Variants in MGAT4A observed in about 807,000 individuals in gnomAD.
MGAT4A encodes alpha-1,3-mannosyl-glycoprotein 4-beta-N-acetylglucosaminyltransferase A.
A neutral mutation model predicts 74.1 loss-of-function variants in MGAT4A; 33 were observed. The ratio of observed to expected loss-of-function variants is 0.45; its 90% confidence interval spans 0.34 to 0.60. The LOEUF is 0.60. MGAT4A is among the 20% of genes least tolerant of loss of function. MGAT4A has a pLI of 0.02. For synonymous variants in MGAT4A, 198 were observed against 210.4 expected (o/e 0.94, Z 0.51); for missense variants, 479 against 628.3 (o/e 0.76, Z 2.54).
chr2:98,670,048 A>C (rs576725281), intron 4 of MGAT4A, among the ~76,000 whole-genome samples: 3 of 152,334 alleles, frequency 2.0e-5, no homozygotes, highest in African/African-American at 7.2e-5. Flanking sequence ...GTTAGTTACC[A>C]CAACATAACC....
At chr2:98,693,355 C>A (rs1345685252) in intron 2 of MGAT4A, among the ~76,000 whole-genome samples, 3 of 151,936 alleles carry the variant, frequency 2.0e-5, no homozygotes, top group African/African-American at 7.3e-5. Flanking sequence ...AGGAATCTTG[C>A]AACATCAAAA....
chr2:98,634,560 C>G (rs1701289178), intron 14 of MGAT4A, among the ~76,000 whole-genome samples: 1 of 151,712 alleles, frequency 6.6e-6, no homozygotes, highest in Non-Finnish European at 1.5e-5. Flanking sequence ...TAGAAAGCCA[C>G]AGGAAAGCCA....
At chr2:98,628,454 G>C (rs1380462788) in intron 14 of MGAT4A, among the ~76,000 whole-genome samples, 1 of 152,180 alleles carries the variant, frequency 6.6e-6, no homozygotes, top group East Asian at 1.9e-4. Flanking sequence ...CTCGTGATTG[G>C]TAAGTGGTTT....
At chr2:98,671,943 C>CAAAAA (rs59955000) in intron 4 of MGAT4A, among the ~76,000 whole-genome samples, 7 of 28,614 alleles carry the variant, frequency 2.4e-4, no homozygotes, top group Non-Finnish European at 2.6e-4. Context: ...GTGGAAAAGG[C>CAAAAA]AAAAAAAAAA....
intron 2 of MGAT4A, among the ~76,000 whole-genome samples, chr2:98,693,877 G>T (rs1053563113): frequency 1.3e-5 from 2 of 151,948 alleles, no homozygotes; most frequent in Non-Finnish European, 2.9e-5. Flanking sequence ...CATCAAAATG[G>T]AATTTTGAAA....
intron 2 of MGAT4A, among the ~76,000 whole-genome samples, chr2:98,678,743 G>C (rs1702014718): frequency 6.6e-6 from 1 of 152,016 alleles, no homozygotes; most frequent in Admixed American, 6.6e-5. Context: ...TATAATTAAA[G>C]ATGGATAAAA....
intron 5 of MGAT4A, among the ~76,000 whole-genome samples, chr2:98,660,420 A>ACG (rs1308765743): frequency 3.0e-5 from 1 of 33,514 alleles, no homozygotes; most frequent in Non-Finnish European, 4.7e-5. Flanking sequence ...ACGCACGCGC[A>ACG]CACACACACA....
chr2:98,648,063 C>T (rs1179167050), intron 8 of MGAT4A, among the ~76,000 whole-genome samples: 1 of 152,170 alleles, frequency 6.6e-6, no homozygotes, highest in Admixed American at 6.5e-5. Context: ...ACTTTTTAGG[C>T]TAATATGTTT....
At chr2:98,713,643 G>C (rs747282186) in intron 2 of MGAT4A, among the ~76,000 whole-genome samples, 4 of 152,160 alleles carry the variant, frequency 2.6e-5, no homozygotes, top group Non-Finnish European at 4.4e-5. Context: ...AGAAAATAGT[G>C]AGACTGAACA....
At chr2:98,724,894 T>C (rs111456522) in intron 2 of MGAT4A, among the ~76,000 whole-genome samples, 30 of 152,316 alleles carry the variant, frequency 2.0e-4, no homozygotes, top group African/African-American at 7.2e-4. Context: ...GGACAATCAA[T>C]AGTTTGATTA....
At chr2:98,683,407 G>A (rs970307049) in intron 2 of MGAT4A, among the ~76,000 whole-genome samples, 18 of 152,274 alleles carry the variant, frequency 1.2e-4, no homozygotes, top group African/African-American at 4.3e-4. Flanking sequence ...AAAGAGGCAC[G>A]ATTTCTGCAA....
intron 2 of MGAT4A, among the ~76,000 whole-genome samples, chr2:98,692,308 T>A (rs1285963609): frequency 1.3e-5 from 2 of 152,140 alleles, no homozygotes; most frequent in Non-Finnish European, 2.9e-5. Context: ...CTCACTATAT[T>A]GCCCAGGCTG....
chr2:98,656,015 G>A, intron 7 of MGAT4A: 1 of 234,346 alleles, frequency 4.3e-6, no homozygotes, highest in Non-Finnish European at 8.3e-6. Flanking sequence ...GCAGATCAAA[G>A]TTCACAAATA....
chr2:98,682,760 C>T (rs1396479124), intron 2 of MGAT4A, among the ~76,000 whole-genome samples: 1 of 152,090 alleles, frequency 6.6e-6, no homozygotes, highest in Non-Finnish European at 1.5e-5. Context: ...CTCAAGGAAA[C>T]ATCGGACACA....
At chr2:98,682,980 C>A (rs972261975) in intron 2 of MGAT4A, among the ~76,000 whole-genome samples, 1 of 151,316 alleles carries the variant, frequency 6.6e-6, no homozygotes, top group African/African-American at 2.4e-5. Flanking sequence ...CCCAGCTATG[C>A]GGGAAGCTGA....
intron 2 of MGAT4A, among the ~76,000 whole-genome samples, chr2:98,702,613 G>A (rs559700744): frequency 1.3e-5 from 2 of 152,322 alleles, no homozygotes; most frequent in African/African-American, 4.8e-5. Flanking sequence ...CAGCTGGGGC[G>A]CACTCGCAAA....
chr2:98,643,871 T>A (rs1194638749), intron 10 of MGAT4A, 52 bp downstream of exon 10: 2 of 1,403,542 alleles, frequency 1.4e-6, no homozygotes, highest in East Asian at 2.5e-5. Context: ...AAAGTCACTT[T>A]CACGAAATAC....
chr2:98,629,619 A>G (rs750888490), intron 14 of MGAT4A, among the ~76,000 whole-genome samples: 1 of 152,224 alleles, frequency 6.6e-6, no homozygotes. Flanking sequence ...CATGTATAAG[A>G]ACAGTACATA....
intron 4 of MGAT4A, among the ~76,000 whole-genome samples, chr2:98,665,131 C>T (rs1701805000): frequency 6.6e-6 from 1 of 151,894 alleles, no homozygotes; most frequent in South Asian, 2.1e-4. Context: ...AGATCGAGAC[C>T]ATCCTGGCTA....
Sources: allele counts gnomAD v4.1 joint callset (sites outside exome capture counted in the v4.1 genomes callset), GRCh38; gene constraint gnomAD v4.1.1; transcripts MANE v1.5; gene names NCBI Gene and HGNC (gene_info 2026-07-23, HGNC 2026-07-21).